KCNMA1: variants seen among roughly 807,000 people sequenced by gnomAD.
The protein encoded by KCNMA1 is Calcium-activated potassium channel subunit alpha-1.
In KCNMA1, 29 loss-of-function variants were observed where a neutral mutation model predicts 140.0. The ratio of observed to expected loss-of-function variants is 0.21; its 90% CI spans 0.15 to 0.28. KCNMA1 has a LOEUF of 0.28. KCNMA1 is among the 10% of genes least tolerant of loss of function. KCNMA1 has a pLI of 1.00. For missense variants in KCNMA1, 880 were observed against 1,602.2 expected, an observed-to-expected ratio of 0.55 and a Z score of 7.70; for synonymous variants, 612 against 611.9, an observed-to-expected ratio of 1.00 and a Z score of 0.00.
intron 2 of KCNMA1, among the ~76,000 whole-genome samples, chr10:77,342,331 T>G (rs963465849): frequency 6.6e-6 from 1 of 152,238 alleles, no homozygotes; most frequent in African/African-American, 2.4e-5. Flanking sequence ...ATTAGCTCAT[T>G]AAATCTGACG....
At chr10:76,936,665 T>C (rs930045026) in intron 23 of KCNMA1, among the ~76,000 whole-genome samples, 2 of 152,140 alleles carry the variant, frequency 1.3e-5, no homozygotes, top group Non-Finnish European at 1.5e-5. Flanking sequence ...GATACATGTA[T>C]AGGTGCGTCT....
chr10:76,971,254 G>C (rs1388188225), intron 19 of KCNMA1, among the ~76,000 whole-genome samples: 1 of 152,190 alleles, frequency 6.6e-6, no homozygotes, highest in Non-Finnish European at 1.5e-5. Context: ...AATATTAGCA[G>C]TGATGACATC....
At chr10:77,629,686 A>G (rs1278746770) in intron 1 of KCNMA1, among the ~76,000 whole-genome samples, 1 of 152,224 alleles carries the variant, frequency 6.6e-6, no homozygotes, top group Non-Finnish European at 1.5e-5. Context: ...TCAAGTACTA[A>G]TAAAAGCCCT....
At chr10:77,558,383 C>G (rs189292515) in intron 1 of KCNMA1, among the ~76,000 whole-genome samples, 4 of 152,288 alleles carry the variant, frequency 2.6e-5, no homozygotes, top group Non-Finnish European at 5.9e-5. Context: ...TCCATTGGAT[C>G]ACGATGATCC....
At chr10:77,045,706 T>G (rs2095007984) in intron 14 of KCNMA1, among the ~76,000 whole-genome samples, 1 of 152,228 alleles carries the variant, frequency 6.6e-6, no homozygotes, top group Non-Finnish European at 1.5e-5. Flanking sequence ...CTTTTATTTT[T>G]TATGCTTCCT....
intron 2 of KCNMA1, among the ~76,000 whole-genome samples, chr10:77,294,910 C>T (rs201152060): frequency 6.6e-6 from 1 of 150,760 alleles, no homozygotes; most frequent in Non-Finnish European, 1.5e-5. Context: ...CAGAGCAAGA[C>T]TCTGTCTCAA....
At chr10:77,312,909 A>G (rs1046345013) in intron 2 of KCNMA1, among the ~76,000 whole-genome samples, 3 of 152,198 alleles carry the variant, frequency 2.0e-5, no homozygotes, top group Non-Finnish European at 4.4e-5. Flanking sequence ...GGAGTATACA[A>G]TCTTGCTGGG....
At chr10:77,266,579 AG>A (rs2063502545) in intron 2 of KCNMA1, among the ~76,000 whole-genome samples, 1 of 152,300 alleles carries the variant, frequency 6.6e-6, no homozygotes, top group African/African-American at 2.4e-5. Flanking sequence ...AATAGGTTTA[AG>A]TCTTGTTGTT....
chr10:77,382,795 G>A (rs1255725312), intron 2 of KCNMA1, among the ~76,000 whole-genome samples: 5 of 142,232 alleles, frequency 3.5e-5, no homozygotes, highest in Admixed American at 1.4e-4. Flanking sequence ...AACCCAGAAG[G>A]TGGAGGTTGC....
chr10:77,394,352 T>C (rs1407711801), intron 2 of KCNMA1, among the ~76,000 whole-genome samples: 1 of 152,172 alleles, frequency 6.6e-6, no homozygotes, highest in South Asian at 2.1e-4. Flanking sequence ...TTACAGGGCG[T>C]GCCGGAGAGC....
intron 1 of KCNMA1, among the ~76,000 whole-genome samples, chr10:77,405,847 G>A (rs1188599059): frequency 3.3e-5 from 5 of 152,146 alleles, no homozygotes; most frequent in Non-Finnish European, 5.9e-5. Flanking sequence ...GGCCAGGCAC[G>A]TGGGAGGCAG....
At chr10:77,223,231 G>GA (rs71028264) in intron 3 of KCNMA1, among the ~76,000 whole-genome samples, 23,792 of 139,218 alleles carry the variant, frequency 0.17, 2,301 homozygotes, top group Non-Finnish European at 0.22. Flanking sequence ...TTCCATCTCA[G>GA]AAAAAAAAAA....
At chr10:77,403,823 A>G in intron 2 of KCNMA1, 39 bp downstream of exon 2, 1 of 1,591,924 alleles carries the variant, frequency 6.3e-7, no homozygotes, top group Non-Finnish European at 8.6e-7. Flanking sequence ...TGGCCCAGAC[A>G]GCAAGGCCTC....
intron 14 of KCNMA1, among the ~76,000 whole-genome samples, chr10:77,054,448 AG>A (rs568347960): frequency 5.3e-4 from 80 of 152,286 alleles, no homozygotes; most frequent in African/African-American, 1.9e-3. Flanking sequence ...CTGACAACAA[AG>A]AGCTTCTGCA....
At chr10:77,427,695 A>G (rs1170041451) in intron 1 of KCNMA1, among the ~76,000 whole-genome samples, 1 of 151,964 alleles carries the variant, frequency 6.6e-6, no homozygotes, top group Non-Finnish European at 1.5e-5. Flanking sequence ...CCAATAAGTC[A>G]TCCAATCCTG....
At chr10:77,186,642 G>A (rs2154131158) in intron 3 of KCNMA1, among the ~76,000 whole-genome samples, 1 of 152,244 alleles carries the variant, frequency 6.6e-6, no homozygotes, top group African/African-American at 2.4e-5. Context: ...AAGACCCAAA[G>A]GTCCATGGGT....
intron 2 of KCNMA1, among the ~76,000 whole-genome samples, chr10:77,382,986 GTGTGTGTGTATATATATA>G (rs1377011145): frequency 0.033 from 1,925 of 58,058 alleles, 17 homozygotes; most frequent in Middle Eastern, 0.074. Flanking sequence ...GTGTGTGTGT[GTGTGTGTGTATATATATA>G]TATATATATA....
At chr10:77,348,285 C>T (rs1436989351) in intron 2 of KCNMA1, among the ~76,000 whole-genome samples, 1 of 152,150 alleles carries the variant, frequency 6.6e-6, no homozygotes, top group African/African-American at 2.4e-5. Flanking sequence ...GAGTCATTTA[C>T]CCTAAATAGA....
chr10:77,360,444 G>T (rs1373023249), intron 2 of KCNMA1, among the ~76,000 whole-genome samples: 4 of 152,204 alleles, frequency 2.6e-5, no homozygotes, highest in Admixed American at 2.6e-4. Flanking sequence ...TGGCCAAACT[G>T]ATGAAGCCAT....
Sources: gnomAD v4.1 joint callset for allele counts (sites outside exome capture counted in the v4.1 genomes callset) on GRCh38, gnomAD v4.1.1 for gene constraint, MANE v1.5 for transcripts, NCBI Gene and HGNC (gene_info 2026-07-23, HGNC 2026-07-21) for gene names.